Variants in ADSL observed in about 807,000 individuals in gnomAD.
ADSL encodes the protein adenylosuccinase.
ADSL carries 44 observed loss-of-function variants against 62.1 expected under a neutral mutation model. The observed-to-expected ratio is 0.71, with a 90% confidence interval of 0.56 to 0.91. The LOEUF is 0.91. Ranked by LOEUF, ADSL falls within the 40% of genes least tolerant of loss-of-function variation. ADSL has a pLI of 0.00. For missense variants in ADSL, 531 were observed against 627.4 expected, an observed-to-expected ratio of 0.85 and a Z score of 1.64; for synonymous variants, 198 against 220.5, an observed-to-expected ratio of 0.90 and a Z score of 0.90.
Position 40,360,436 on chromosome 22 carries a change from A to G in ADSL, c.736A>G (p.Lys246Glu), listed in dbSNP as rs119450944. ...FIITGQTYTR[K>E]VDIEVLSVLA... Reference sequence around the variant, plus strand: ...CATCACAGGGCAGACATATACACGAAAAGTGGATATTGAAGTACTGTCTGT... The same window carrying G: ...CATCACAGGGCAGACATATACACGAGAAGTGGATATTGAAGTACTGTCTGT... Residue 246 changes from lysine to glutamate, a missense_variant, in exon 7 of 13, where the codon AAA becomes GAA. Transcript: ENST00000623063. 4.9e-5 allele frequency: 79 copies of G among 1,613,854 alleles called. No individual in the cohort carries two copies. The highest frequency in any genetic ancestry group is 6.5e-5 in the Non-Finnish European group (77 of 1,179,942).
At chr22:40,363,363 C>T (rs2044867871) in intron 10 of ADSL, among the ~76,000 whole-genome samples, 1 of 152,162 alleles carries the variant, frequency 6.6e-6, no homozygotes, top group South Asian at 2.1e-4. Context: ...TTTTTAAGTA[C>T]TTGAGGCAGA....
chr22:40,353,553 G>A, intron 3 of ADSL: 1 of 600,738 alleles, frequency 1.7e-6, no homozygotes, highest in South Asian at 1.9e-5. Flanking sequence ...CAAAGTGTTG[G>A]GATTACAGGT....
downstream of ADSL, among the ~76,000 whole-genome samples, chr22:40,369,755 G>A (rs1239881842): frequency 6.6e-6 from 1 of 151,912 alleles, no homozygotes; most frequent in Non-Finnish European, 1.5e-5. Context: ...AAATTCACAC[G>A]GACTCCAGCA....
intron 2 of ADSL, among the ~76,000 whole-genome samples, chr22:40,378,909 T>TA (rs1288507934): frequency 6.6e-6 from 1 of 152,176 alleles, no homozygotes; most frequent in Non-Finnish European, 1.5e-5. Flanking sequence ...CCTAGTCTCT[T>TA]ATATTCCCGC....
At chr22:40,361,188 T>C in intron 7 of ADSL, 85 bp from the exon 8 acceptor site, 1 of 1,296,282 alleles carries the variant, frequency 7.7e-7, no homozygotes, top group Non-Finnish European at 1.1e-6. Context: ...TAAGAGCTCA[T>C]CTCCTTCATC....
intron 7 of ADSL, 86 bp from the exon 8 acceptor site, chr22:40,361,187 A>T (rs1012185313): frequency 1.6e-6 from 2 of 1,274,024 alleles, no homozygotes; most frequent in East Asian, 4.6e-5. Flanking sequence ...CTAAGAGCTC[A>T]TCTCCTTCAT....
chr22:40,372,425 C>T (rs1395490580), downstream of ADSL, among the ~76,000 whole-genome samples: 1 of 152,124 alleles, frequency 6.6e-6, no homozygotes, highest in East Asian at 1.9e-4. Context: ...GTGCCTGGCC[C>T]TCCCTGTCCC....
At chr22:40,385,083 GTC>G (rs1454840747) in intron 2 of ADSL, among the ~76,000 whole-genome samples, 1 of 152,222 alleles carries the variant, frequency 6.6e-6, no homozygotes, top group Non-Finnish European at 1.5e-5. Flanking sequence ...TGCCCTCAGA[GTC>G]ATTGAACAGT....
At position 40,366,727 on chromosome 22, in the gene ADSL, A is replaced by G. The variant is rs1226115723; in HGVS notation, c.*205A>G. 1 of 546,764 alleles carries G rather than the reference A, an allele frequency of 1.8e-6. No homozygotes were observed. Among genetic ancestry groups the G allele is most frequent in the Non-Finnish European group, 3.3e-6 (1 of 301,850 alleles). The allele number at this position is 546,764 out of a possible 1,614,324, so 33.9% of individuals were successfully genotyped here. On this transcript the variant is annotated 3_prime_UTR_variant, in exon 13 of 13. Transcript: ENST00000623063. ...GTTGAAGTTGACTCTGCTCTTGCAT[A>G]GTAAATGTAGTTCATACTTGATCTC...
downstream of ADSL, among the ~76,000 whole-genome samples, chr22:40,370,377 T>C (rs2045180359): frequency 1.3e-5 from 2 of 148,940 alleles, no homozygotes; most frequent in Admixed American, 1.4e-4. Flanking sequence ...AAAAAAAAAT[T>C]AGCAAGTTAT....
chr22:40,348,236 G>A lies in ADSL; in HGVS notation c.153+1525G>A, dbSNP rs114614973. Among the ~76,000 whole-genome samples, 765 of 152,246 alleles carry A rather than the reference G, an allele frequency of 5.0e-3. 7 individuals carry two copies. The highest frequency in any genetic ancestry group is 0.017 in the African/African-American group (714 of 41,534). ...CTTGAGGGGAGGAAGCAGTATGGCC[G>A]TGCTGCCCTCTGCTGCTTTGCTTTG... On this transcript the variant is annotated intron_variant, in intron 1 of 12. Coordinates refer to ENST00000623063, the MANE Select transcript of ADSL (RefSeq NM_000026.4).
At position 40,367,988 on chromosome 22, in the gene ADSL, T is replaced by C. The variant is rs1445021357; in HGVS notation, c.*1466T>C. The C allele has an allele frequency of 6.6e-6, 1 of 152,238 alleles. No individual in the cohort carries two copies. Among genetic ancestry groups the C allele is most frequent in the Non-Finnish European group, 1.5e-5 (1 of 68,038 alleles). 9.4% of individuals were successfully genotyped at this position (152,238 alleles called of 1,614,324 possible). On this transcript the variant is annotated 3_prime_UTR_variant, in exon 13 of 13. Transcript: ENST00000623063. ...CCACCAGAGGCTTACTGCTCCGCAC[T>C]CTTGGCATTACATTCAATTTTGGAT...
chr22:40,355,046 A>G (rs576890988), intron 4 of ADSL, among the ~76,000 whole-genome samples: 1 of 152,316 alleles, frequency 6.6e-6, no homozygotes, highest in African/African-American at 2.4e-5. Context: ...TATAAATTGC[A>G]CAAAAATTGG....
chr22:40,364,804 A>T, intron 11 of ADSL, 76 bp from the exon 12 acceptor site: 1 of 1,468,564 alleles, frequency 6.8e-7, no homozygotes. Flanking sequence ...CATGGATGGG[A>T]AGTATCTGAT....
At chr22:40,363,707 T>A (rs1454423986) in intron 10 of ADSL, among the ~76,000 whole-genome samples, 1 of 142,504 alleles carries the variant, frequency 7.0e-6, no homozygotes, top group Non-Finnish European at 1.5e-5. Flanking sequence ...TTGTACTCCA[T>A]CCTGGGCAAC....
chr22:40,376,392 G>A (rs1272196633), intron 2 of ADSL: 1 of 151,708 alleles, frequency 6.6e-6, no homozygotes, highest in African/African-American at 2.4e-5. Context: ...GGGCTCAAGA[G>A]GTCCTCCTGC....
intron 4 of ADSL, among the ~76,000 whole-genome samples, chr22:40,356,079 A>G (rs911537302): frequency 6.7e-6 from 1 of 150,260 alleles, no homozygotes; most frequent in African/African-American, 2.4e-5. Context: ...GCGCATGCCT[A>G]TAGTCCCAGC....
Position 40,360,733 on chromosome 22 carries a change from T to TC in ADSL, c.792+241_792+242insC, listed in dbSNP as rs550492218. Among the ~76,000 whole-genome samples the TC allele has an allele frequency of 1.1e-4, 16 of 151,656 alleles. 1 individual carries two copies. In the South Asian group the frequency reaches 2.9e-3, roughly 28 times the overall value. Reference sequence around the variant, plus strand: ...GTGGTATATTAAATTAATCTTTTTTTTTTTTCGAGATGGAGTTTCGCTCTT... The same window carrying TC: ...GTGGTATATTAAATTAATCTTTTTTTCTTTTTCGAGATGGAGTTTCGCTCTT... On this transcript the variant is annotated intron_variant, in intron 7 of 12. Transcript: ENST00000623063.
chr22:40,371,616 G>T, downstream of ADSL, among the ~76,000 whole-genome samples: 1 of 151,972 alleles, frequency 6.6e-6, no homozygotes, highest in Non-Finnish European at 1.5e-5. Flanking sequence ...AATTATCTCT[G>T]CACTCTAAAC....
Sources: allele counts gnomAD v4.1 joint callset (sites outside exome capture counted in the v4.1 genomes callset), GRCh38; gene constraint gnomAD v4.1.1; transcripts MANE v1.5; gene names NCBI Gene and HGNC (gene_info 2026-07-23, HGNC 2026-07-21).